NCKAP5: variants seen among roughly 807,000 people sequenced by gnomAD.
NCKAP5 encodes the protein NCK associated protein 5.
NCKAP5 carries 92 observed loss-of-function variants against 167.0 expected under a neutral mutation model. The ratio of observed to expected loss-of-function variants is 0.55; its 90% CI spans 0.47 to 0.66. The LOEUF is 0.66. Among genes scored for constraint, NCKAP5 ranks in the 30% least tolerant of loss-of-function variants. NCKAP5 has a pLI of 0.00. For synonymous variants in NCKAP5, 891 were observed against 877.4 expected, an observed-to-expected ratio of 1.02 and a Z score of -0.27; for missense variants, 2,378 against 2,315.0, an observed-to-expected ratio of 1.03 and a Z score of -0.56.
chr2:133,076,667 T>C (rs942566256), intron 6 of NCKAP5, among the ~76,000 whole-genome samples: 2 of 152,176 alleles, frequency 1.3e-5, no homozygotes, highest in Non-Finnish European at 2.9e-5. Context: ...TGGATGATAG[T>C]GGTACATGAT....
intron 16 of NCKAP5, among the ~76,000 whole-genome samples, chr2:132,754,079 C>T (rs1232252035): frequency 6.6e-6 from 1 of 152,198 alleles, no homozygotes; most frequent in East Asian, 1.9e-4. Context: ...CACAGTTAAA[C>T]AGGGCTTTGT....
At chr2:132,949,562 G>C (rs1187924245) in intron 8 of NCKAP5, among the ~76,000 whole-genome samples, 1 of 152,112 alleles carries the variant, frequency 6.6e-6, no homozygotes, top group Non-Finnish European at 1.5e-5. Context: ...GACAGACCCT[G>C]AGCTTCACCT....
At chr2:133,262,068 C>G (rs2088935030) in intron 4 of NCKAP5, among the ~76,000 whole-genome samples, 1 of 152,180 alleles carries the variant, frequency 6.6e-6, no homozygotes, top group Admixed American at 6.5e-5. Context: ...CATCTGTTGG[C>G]TTTCTTGTGT....
chr2:133,253,301 G>A (rs761537527), intron 4 of NCKAP5, among the ~76,000 whole-genome samples: 5 of 152,204 alleles, frequency 3.3e-5, no homozygotes, highest in Admixed American at 2.0e-4. Flanking sequence ...CAGGCATTCT[G>A]CCGGACCTTT....
At chr2:133,490,027 G>A (rs561743731) in intron 3 of NCKAP5, among the ~76,000 whole-genome samples, 1 of 152,324 alleles carries the variant, frequency 6.6e-6, no homozygotes, top group Admixed American at 6.5e-5. Context: ...TCAGGATGCT[G>A]ACAGAACAGG....
intron 19 of NCKAP5, chr2:132,714,944 G>C (rs1243555073): frequency 4.5e-6 from 2 of 447,134 alleles, no homozygotes; most frequent in East Asian, 1.4e-4. Flanking sequence ...GTTCTTGGAG[G>C]TTCACAGAGG....
intron 2 of NCKAP5, among the ~76,000 whole-genome samples, chr2:133,557,098 TA>T (rs1687794112): frequency 6.6e-6 from 1 of 152,216 alleles, no homozygotes; most frequent in African/African-American, 2.4e-5. Context: ...TTCTAGGTTC[TA>T]AATAATGAAA....
chr2:133,470,941 G>A (rs1223999113), intron 3 of NCKAP5, among the ~76,000 whole-genome samples: 3 of 152,196 alleles, frequency 2.0e-5, no homozygotes, highest in South Asian at 2.1e-4. Flanking sequence ...AACCCAGTAC[G>A]TCAGATGGAA....
chr2:132,945,509 C>T (rs532371660), intron 8 of NCKAP5, among the ~76,000 whole-genome samples: 2 of 151,674 alleles, frequency 1.3e-5, no homozygotes, highest in East Asian at 1.9e-4. Flanking sequence ...GCCCACAGCA[C>T]GAATCGATGG....
chr2:133,479,685 T>C (rs1048183910), intron 3 of NCKAP5, among the ~76,000 whole-genome samples: 2 of 152,098 alleles, frequency 1.3e-5, no homozygotes, highest in African/African-American at 4.8e-5. Context: ...GGAGACCAAA[T>C]TTAGTGAAAA....
intron 3 of NCKAP5, among the ~76,000 whole-genome samples, chr2:133,483,191 C>T (rs1318757651): frequency 3.9e-5 from 6 of 152,112 alleles, no homozygotes; most frequent in Non-Finnish European, 8.8e-5. Context: ...TGAAAAGTGG[C>T]CATTTTTCTA....
Position 132,802,133 on chromosome 2 carries a change from C to T in NCKAP5, c.808-5404G>A, listed in dbSNP as rs78991355. On this transcript the variant is annotated intron_variant, in intron 11 of 19. Transcript: ENST00000409261. ...CAAAAGAGAAGTTTTAACCGTTCAG[C>T]ACCTGATCTGAGAGAAGGGATGCCA... 2.2e-3 allele frequency among the ~76,000 whole-genome samples: 334 copies of T among 152,268 alleles called. 7 individuals are homozygous for T. The East Asian group carries it at 0.055, about 25-fold the overall frequency.
chr2:133,408,098 T>C (rs372103994), intron 3 of NCKAP5, among the ~76,000 whole-genome samples: 52 of 152,244 alleles, frequency 3.4e-4, no homozygotes, highest in Middle Eastern at 3.4e-3. Flanking sequence ...GTGCAGTCCA[T>C]TGGGGAGCCA....
At chr2:133,623,856 A>C in the NCKAP5 span, among the ~76,000 whole-genome samples, 1,510 of 152,328 alleles carry the variant, frequency 9.9e-3, 23 homozygotes, top group African/African-American at 0.03. Flanking sequence ...TGTTCACTGC[A>C]GCACAATCTG....
Position 132,876,507 on chromosome 2 carries a change from A to T in NCKAP5, c.648+2341T>A, listed in dbSNP as rs142590107. On this transcript the variant is annotated intron_variant, in intron 9 of 19. Coordinates refer to ENST00000409261, the MANE Select transcript of NCKAP5 (RefSeq NM_207363.3). ...CCTTGTTAGTTTGTTTAATTAGCAT[A>T]AAAAACCTTGAAAAGAATTTCCAGT... Among the ~76,000 whole-genome samples, 272 of 152,348 alleles carry T rather than the reference A, an allele frequency of 1.8e-3. 1 individual carries two copies. The highest frequency in any genetic ancestry group is 6.8e-3 in the Middle Eastern group (2 of 294).
At chr2:133,376,418 TCCTCATG>T (rs1203246091) in intron 3 of NCKAP5, among the ~76,000 whole-genome samples, 4 of 152,152 alleles carry the variant, frequency 2.6e-5, no homozygotes, top group African/African-American at 9.7e-5. Context: ...TTTGCCCGAG[TCCTCATG>T]CCACCAAGTT....
rs747464892 is a variant in NCKAP5, at chr2:132,997,059, G to A, written c.342-2820C>T. Among the ~76,000 whole-genome samples, 79 of 152,334 alleles carry A rather than the reference G, an allele frequency of 5.2e-4. 1 individual carries two copies. The highest frequency in any genetic ancestry group is 8.1e-4 in the Non-Finnish European group (55 of 68,040). On this transcript the variant is annotated intron_variant, in intron 6 of 19. Coordinates refer to ENST00000409261, the MANE Select transcript of NCKAP5 (RefSeq NM_207363.3). ...ATCCAGCTTCTCCCTCTTACTAAGG[G>A]CTTCTCGTATGACAAATTAAGGGCT...
At chr2:133,650,977 G>A in the NCKAP5 span, among the ~76,000 whole-genome samples, 3 of 152,020 alleles carry the variant, frequency 2.0e-5, no homozygotes, top group African/African-American at 7.2e-5. Flanking sequence ...GATATTCACA[G>A]GCAAAAGAAT....
rs1225957776 is a variant in NCKAP5, at chr2:133,486,358, CTGT to C, written c.69+31097_69+31099del. Among the ~76,000 whole-genome samples the C allele has an allele frequency of 7.2e-5, 11 of 152,294 alleles. No homozygotes were observed. In the East Asian group the frequency reaches 7.7e-4, roughly 11 times the overall value. On this transcript the variant is annotated intron_variant, in intron 3 of 19. Coordinates refer to ENST00000409261, the MANE Select transcript of NCKAP5 (RefSeq NM_207363.3). ...GTTCAATTGCATTTGAGATATTTCA[CTGT>C]TGTTGTTGTTTATCAGCAACAGTGG... is the stretch of plus-strand genomic sequence containing the variant.
Sources: allele counts gnomAD v4.1 joint callset (sites outside exome capture counted in the v4.1 genomes callset), GRCh38; gene constraint gnomAD v4.1.1; transcripts MANE v1.5; gene names NCBI Gene and HGNC (gene_info 2026-07-23, HGNC 2026-07-21).